Variants in CGGBP1 observed in about 807,000 individuals in gnomAD.
CGGBP1 encodes CGG triplet repeat-binding protein 1.
Under a neutral mutation model 11.4 loss-of-function variants are expected in CGGBP1, and 4 were observed. That is an observed-to-expected ratio of 0.35 (90% CI 0.17 to 0.80). CGGBP1 has a LOEUF of 0.80. CGGBP1 is among the 30% of genes least tolerant of loss of function. CGGBP1 has a pLI of 0.52. For missense variants in CGGBP1, 135 were observed against 202.1 expected (o/e 0.67, Z 2.01); for synonymous variants, 76 against 74.1 (o/e 1.03, Z -0.13).
At chr3:88,079,309 T>G (rs546445024) in intron 2 of CGGBP1, among the ~76,000 whole-genome samples, 3 of 152,142 alleles carry the variant, frequency 2.0e-5, no homozygotes, top group African/African-American at 7.2e-5. Flanking sequence ...TAATGAGAAC[T>G]GAAAATTTTG....
Position 88,052,334 on chromosome 3 carries a change from A to C in CGGBP1, c.*3139T>G, listed in dbSNP as rs1706446799. 1 of 152,642 alleles carries C rather than the reference A, an allele frequency of 6.6e-6. No homozygotes were observed. The highest frequency in any genetic ancestry group is 2.4e-5 in the African/African-American group (1 of 41,454). 9.5% of individuals were successfully genotyped at this position (152,642 alleles called of 1,614,324 possible). A position where few individuals can be genotyped will look rare whatever the true frequency, so the allele number is the denominator to read the frequency against. ...AAGATTGGCAAAAAATCATAGACCC[A>C]ATTTTCCTTGTTATGAATCAAATGA... On this transcript the variant is annotated 3_prime_UTR_variant, in exon 4 of 4. Transcript: ENST00000482016.
At chr3:88,065,583 G>C (rs182559591) in intron 2 of CGGBP1, among the ~76,000 whole-genome samples, 187 of 152,042 alleles carry the variant, frequency 1.2e-3, no homozygotes, top group African/African-American at 4.2e-3. Context: ...TGTTAACTTT[G>C]TGGTGGTATG....
intron 2 of CGGBP1, chr3:88,138,763 A>G: frequency 8.1e-7 from 1 of 1,232,056 alleles, no homozygotes. Context: ...CTACAACTCG[A>G]CCTTCATGAT....
intron 2 of CGGBP1, among the ~76,000 whole-genome samples, chr3:88,118,906 G>C (rs914679237): frequency 6.6e-6 from 1 of 150,896 alleles, no homozygotes; most frequent in African/African-American, 2.4e-5. Flanking sequence ...AGAGGATGTG[G>C]AGAAATAGGA....
At chr3:88,056,113 A>T (rs1423799906) in intron 3 of CGGBP1, 114 bp from the exon 4 acceptor site, 1 of 767,152 alleles carries the variant, frequency 1.3e-6, no homozygotes, top group Non-Finnish European at 2.0e-6. Context: ...ACTTAATTCA[A>T]ATTAGTAGAC....
chr3:88,079,697 T>C (rs537243154), intron 2 of CGGBP1, among the ~76,000 whole-genome samples: 110 of 152,130 alleles, frequency 7.2e-4, no homozygotes, highest in African/African-American at 2.4e-3. Context: ...ACAGTATGAT[T>C]GTATGGAATA....
chr3:88,114,253 T>C (rs1705259825), intron 2 of CGGBP1, among the ~76,000 whole-genome samples: 1 of 152,088 alleles, frequency 6.6e-6, no homozygotes, highest in African/African-American at 2.4e-5. Context: ...CATGGTGATA[T>C]TGGGGAAGGA....
At chr3:88,144,807 T>A (rs1264360986) in intron 1 of CGGBP1, 3 of 152,178 alleles carry the variant, frequency 2.0e-5, no homozygotes, top group African/African-American at 4.8e-5. Flanking sequence ...GTGATTTTTT[T>A]AAACATAATA....
intron 2 of CGGBP1, among the ~76,000 whole-genome samples, chr3:88,088,757 T>TGGATGGATGG (rs1553694194): frequency 1.1e-3 from 106 of 94,468 alleles, no homozygotes; most frequent in African/African-American, 2.9e-3. Flanking sequence ...TGTATGTATG[T>TGGATGGATGG]ATGTATGGAT....
At chr3:88,083,946 TA>T (rs1708212791) in intron 2 of CGGBP1, among the ~76,000 whole-genome samples, 1 of 4,732 alleles carries the variant, frequency 2.1e-4, no homozygotes, top group Non-Finnish European at 1.4e-3. Context: ...TTATTTTATA[TA>T]TATATATATA....
chr3:88,072,290 C>T (rs1460210069), intron 2 of CGGBP1, among the ~76,000 whole-genome samples: 2 of 152,204 alleles, frequency 1.3e-5, no homozygotes, highest in Non-Finnish European at 2.9e-5. Flanking sequence ...CACCTTTCCT[C>T]ACTTTCAGTT....
chr3:88,069,905 A>G (rs965787916), intron 2 of CGGBP1, among the ~76,000 whole-genome samples: 6 of 152,240 alleles, frequency 3.9e-5, no homozygotes, highest in Non-Finnish European at 5.9e-5. Flanking sequence ...CAGTCTCTCC[A>G]TATTTAGATT....
chr3:88,134,571 T>C (rs1706658226), intron 2 of CGGBP1, among the ~76,000 whole-genome samples: 1 of 152,128 alleles, frequency 6.6e-6, no homozygotes, highest in Non-Finnish European at 1.5e-5. Flanking sequence ...AAAAGTACGA[T>C]ATCTGAAACA....
At chr3:88,082,469 G>A (rs186440065) in intron 2 of CGGBP1, among the ~76,000 whole-genome samples, 2 of 152,286 alleles carry the variant, frequency 1.3e-5, no homozygotes, top group East Asian at 1.9e-4. Flanking sequence ...GTAAACAAAT[G>A]ATGAACTTAA....
chr3:88,136,699 G>A (rs1484416448), intron 2 of CGGBP1, among the ~76,000 whole-genome samples: 1 of 152,164 alleles, frequency 6.6e-6, no homozygotes, highest in Non-Finnish European at 1.5e-5. Flanking sequence ...GAGACTGTGT[G>A]TGTTAGGAGG....
intron 2 of CGGBP1, among the ~76,000 whole-genome samples, chr3:88,137,188 C>CTT (rs1322377130): frequency 1.3e-5 from 1 of 78,274 alleles, no homozygotes; most frequent in African/African-American, 5.0e-5. Flanking sequence ...GTGCGAGACT[C>CTT]TGTCTCAAAA....
At chr3:88,116,249 AGTGG>A (rs1445786444) in intron 2 of CGGBP1, among the ~76,000 whole-genome samples, 5 of 152,110 alleles carry the variant, frequency 3.3e-5, no homozygotes, top group Non-Finnish European at 7.4e-5. Flanking sequence ...GGCCAGGCAT[AGTGG>A]TTCACCCCTG....
At chr3:88,138,362 T>A (rs1706926456) in intron 2 of CGGBP1, among the ~76,000 whole-genome samples, 2 of 152,138 alleles carry the variant, frequency 1.3e-5, no homozygotes, top group Admixed American at 1.3e-4. Context: ...ATGAGATTTG[T>A]ACCTACAATA....
chr3:88,132,932 A>G (rs1706553068), intron 2 of CGGBP1, among the ~76,000 whole-genome samples: 1 of 152,212 alleles, frequency 6.6e-6, no homozygotes. Flanking sequence ...AGTATGAGCT[A>G]CATGAAAGCT....
Sources: allele counts gnomAD v4.1 joint callset (sites outside exome capture counted in the v4.1 genomes callset), GRCh38; gene constraint gnomAD v4.1.1; transcripts MANE v1.5; gene names NCBI Gene and HGNC (gene_info 2026-07-23, HGNC 2026-07-21).